The following TACR3 variants were observed in gnomAD, a reference collection of about 807,000 sequenced individuals.
TACR3 encodes the protein neuromedin-K receptor.
TACR3 carries 34 observed loss-of-function variants against 35.0 expected under a neutral mutation model. That is an observed-to-expected ratio of 0.97 (90% CI 0.74 to 1.30). The LOEUF is 1.30. TACR3 is among the 50% of genes most tolerant of loss of function. The pLI, the probability that TACR3 is intolerant of heterozygous loss-of-function variation, is 0.00. For missense variants in TACR3, 558 were observed against 591.7 expected (o/e 0.94, Z 0.59); for synonymous variants, 233 against 221.1 (o/e 1.05, Z -0.48).
At chr4:103,660,013 C>G (rs1725806728) in intron 1 of TACR3, among the ~76,000 whole-genome samples, 1 of 152,008 alleles carries the variant, frequency 6.6e-6, no homozygotes, top group Non-Finnish European at 1.5e-5. Flanking sequence ...AGACGTAATA[C>G]TTTCATCAAA....
intron 1 of TACR3, among the ~76,000 whole-genome samples, chr4:103,703,203 A>G (rs747077425): frequency 6.6e-6 from 1 of 152,132 alleles, no homozygotes; most frequent in African/African-American, 2.4e-5. Context: ...ATTTTAATTA[A>G]TTTTGTTTTT....
chr4:103,589,648 G>T lies in TACR3; in HGVS notation c.*34C>A. 4 of 1,611,572 alleles carry T rather than the reference G, an allele frequency of 2.5e-6. No individual in the cohort carries two copies. The highest frequency in any genetic ancestry group is 2.5e-6 in the Non-Finnish European group (3 of 1,178,004). On this transcript the variant is annotated 3_prime_UTR_variant, in exon 5 of 5. Coordinates refer to ENST00000304883, the MANE Select transcript of TACR3 (RefSeq NM_001059.3). ...GGGGTCCTAGACTGGCACCATGATG[G>T]TCTCACACTAATCTTTTACCTCAGG...
chr4:103,665,837 A>AAAAAT (rs1180055542), intron 1 of TACR3, among the ~76,000 whole-genome samples: 14 of 152,198 alleles, frequency 9.2e-5, no homozygotes, highest in Admixed American at 8.5e-4. Flanking sequence ...TAAATCAGTA[A>AAAAAT]AAAATATACG....
intron 1 of TACR3, among the ~76,000 whole-genome samples, chr4:103,712,501 G>C (rs905043243): frequency 6.6e-6 from 1 of 152,136 alleles, no homozygotes; most frequent in Non-Finnish European, 1.5e-5. Flanking sequence ...TTAAATGTTA[G>C]ACCTAAAACC....
At chr4:103,632,191 A>G (rs1725082245) in intron 3 of TACR3, among the ~76,000 whole-genome samples, 2 of 152,300 alleles carry the variant, frequency 1.3e-5, no homozygotes, top group South Asian at 2.1e-4. Flanking sequence ...GGGAAAAGAC[A>G]ATAATGTTTG....
chr4:103,592,275 G>A (rs1287276214), intron 3 of TACR3, among the ~76,000 whole-genome samples: 8 of 152,164 alleles, frequency 5.3e-5, no homozygotes, highest in African/African-American at 1.9e-4. Context: ...AAATATTCAC[G>A]TTAGTGTGAG....
In TACR3 at chr4:103,719,372, C is replaced by T. The variant is rs1723158632; in HGVS notation, c.304G>A (p.Gly102Arg). The change falls in exon 1 of 5, where the codon GGA (glycine) becomes AGA (arginine). Residue 102 changes from glycine (G) to arginine (R), a missense_variant. Transcript: ENST00000304883. Reference protein sequence around the residue: ...YGVVVAVAVLGNLIVIWIILA... With the variant: ...YGVVVAVAVLRNLIVIWIILA... ...ATGATCCAGATGACGATGAGATTTC[C>T]CAAAACTGCCACTGCCACCACCACA... 1 of 1,614,206 alleles carries T rather than the reference C, an allele frequency of 6.2e-7. No homozygotes were observed. The highest frequency in any genetic ancestry group is 8.5e-7 in the Non-Finnish European group (1 of 1,180,036).
chr4:103,715,918 T>C (rs1723080008), intron 1 of TACR3, among the ~76,000 whole-genome samples: 1 of 152,154 alleles, frequency 6.6e-6, no homozygotes, highest in Admixed American at 6.5e-5. Context: ...TATATATACA[T>C]GTAAGATAAA....
At chr4:103,709,624 T>A (rs996327578) in intron 1 of TACR3, among the ~76,000 whole-genome samples, 1 of 152,038 alleles carries the variant, frequency 6.6e-6, no homozygotes, top group African/African-American at 2.4e-5. Context: ...CCAGCTAACA[T>A]CATAATGACA....
chr4:103,682,287 A>G (rs1722117109), intron 1 of TACR3, among the ~76,000 whole-genome samples: 1 of 152,084 alleles, frequency 6.6e-6, no homozygotes, highest in African/African-American at 2.4e-5. Context: ...CTGTTCTCAC[A>G]CTGCTATAAA....
chr4:103,598,813 A>G (rs1724111091), intron 3 of TACR3, among the ~76,000 whole-genome samples: 1 of 152,102 alleles, frequency 6.6e-6, no homozygotes. Context: ...ATTGGTCTAT[A>G]TATCTGTTTG....
At chr4:103,644,732 C>A (rs571323910) in intron 3 of TACR3, among the ~76,000 whole-genome samples, 2 of 151,194 alleles carry the variant, frequency 1.3e-5, no homozygotes, top group Non-Finnish European at 3.0e-5. Flanking sequence ...TGATAACATG[C>A]CTTTTTAAAA....
In TACR3 at chr4:103,719,229, G is replaced by T. The variant is rs1387259014; in HGVS notation, c.447C>A (p.Ser149Arg). Reference protein sequence around the residue: ...TLVNFIYALHSEWYFGANYCR... With the variant: ...TLVNFIYALHREWYFGANYCR... Reference sequence around the variant, plus strand: ...AGTAGTTGGCGCCAAAGTACCACTCGCTATGAAGCGCGTAGATGAAATTGA... The same window carrying T: ...AGTAGTTGGCGCCAAAGTACCACTCTCTATGAAGCGCGTAGATGAAATTGA... The change falls in exon 1 of 5, where the codon AGC (serine) becomes AGA (arginine). Residue 149 changes from serine to arginine, a missense_variant. Coordinates refer to ENST00000304883, the MANE Select transcript of TACR3 (RefSeq NM_001059.3). The T allele has an allele frequency of 1.9e-6, 3 of 1,614,100 alleles. No individual in the cohort carries two copies. Among genetic ancestry groups the T allele is most frequent in the Non-Finnish European group, 1.7e-6 (2 of 1,180,054 alleles).
chr4:103,622,598 G>T (rs903974804), intron 3 of TACR3, among the ~76,000 whole-genome samples: 2 of 152,070 alleles, frequency 1.3e-5, no homozygotes, highest in African/African-American at 4.8e-5. Flanking sequence ...GCGTGGCAGC[G>T]TGTGCCTGTA....
At chr4:103,601,902 C>G (rs1313972784) in intron 3 of TACR3, among the ~76,000 whole-genome samples, 1 of 152,020 alleles carries the variant, frequency 6.6e-6, no homozygotes, top group African/African-American at 2.4e-5. Context: ...TTGTGGTGTT[C>G]TCTGTATATC....
At chr4:103,628,250 G>T (rs578119722) in intron 3 of TACR3, among the ~76,000 whole-genome samples, 1 of 151,958 alleles carries the variant, frequency 6.6e-6, no homozygotes, top group African/African-American at 2.4e-5. Context: ...AGAAGCAAGA[G>T]CAAACACATT....
chr4:103,665,262 T>C (rs1725912581), intron 1 of TACR3, among the ~76,000 whole-genome samples: 1 of 152,010 alleles, frequency 6.6e-6, no homozygotes, highest in Non-Finnish European at 1.5e-5. Flanking sequence ...TGACTATTCA[T>C]ATATGTATAT....
intron 3 of TACR3, among the ~76,000 whole-genome samples, chr4:103,638,741 C>T (rs1357049777): frequency 1.3e-5 from 2 of 152,010 alleles, no homozygotes; most frequent in South Asian, 2.1e-4. Flanking sequence ...AACAAATTTA[C>T]AAGAAAAAAC....
intron 1 of TACR3, among the ~76,000 whole-genome samples, chr4:103,705,589 G>A (rs1722769564): frequency 6.6e-6 from 1 of 152,078 alleles, no homozygotes; most frequent in Non-Finnish European, 1.5e-5. Context: ...AAAATGTTAT[G>A]ATTGTCATGT....
Sources: allele counts gnomAD v4.1 joint callset (sites outside exome capture counted in the v4.1 genomes callset), GRCh38; gene constraint gnomAD v4.1.1; transcripts MANE v1.5; gene names NCBI Gene and HGNC (gene_info 2026-07-23, HGNC 2026-07-21).